Variants in SERINC5 observed in about 807,000 individuals in gnomAD.
SERINC5 encodes the protein chromosome 5 open reading frame 12.
A neutral mutation model predicts 63.1 loss-of-function variants in SERINC5; 41 were observed. The observed-to-expected ratio is 0.65, with a 90% CI of 0.51 to 0.84. The LOEUF (loss-of-function observed/expected upper bound fraction) is 0.84, where lower values mean the gene tolerates loss of function less well. Among genes scored for constraint, SERINC5 ranks in the 40% least tolerant of loss-of-function variants. The pLI is 0.00. For synonymous variants in SERINC5, 222 were observed against 215.2 expected (o/e 1.03, Z -0.28); for missense variants, 523 against 573.0 (o/e 0.91, Z 0.89).
intron 1 of SERINC5, among the ~76,000 whole-genome samples, chr5:80,253,011 G>A (rs1334634645): frequency 2.0e-5 from 3 of 152,128 alleles, no homozygotes; most frequent in South Asian, 2.1e-4. Context: ...CTAATGTAAC[G>A]AAGCCAAGAA....
intron 2 of SERINC5, among the ~76,000 whole-genome samples, chr5:80,187,626 A>G (rs910219070): frequency 2.0e-5 from 3 of 152,226 alleles, no homozygotes; most frequent in African/African-American, 7.2e-5. Flanking sequence ...TTAATAAACA[A>G]TAACAACAAC....
At chr5:80,152,444 T>A (rs1746250411) in intron 8 of SERINC5, among the ~76,000 whole-genome samples, 1 of 148,268 alleles carries the variant, frequency 6.7e-6, no homozygotes, top group Non-Finnish European at 1.5e-5. Flanking sequence ...GTAGTGAGCA[T>A]GATCACACCA....
At chr5:80,179,287 A>G (rs1748267353) in intron 2 of SERINC5, among the ~76,000 whole-genome samples, 1 of 152,186 alleles carries the variant, frequency 6.6e-6, no homozygotes, top group Non-Finnish European at 1.5e-5. Context: ...CAACAGAGTG[A>G]GACTCTGTCC....
At chr5:80,231,909 T>C (rs1161026915) in intron 1 of SERINC5, among the ~76,000 whole-genome samples, 1 of 151,660 alleles carries the variant, frequency 6.6e-6, no homozygotes, top group African/African-American at 2.4e-5. Flanking sequence ...GAGACCAGCC[T>C]GGGCAACATA....
chr5:80,173,582 C>G (rs1292219718), intron 5 of SERINC5, among the ~76,000 whole-genome samples: 2 of 151,778 alleles, frequency 1.3e-5, no homozygotes, highest in African/African-American at 2.4e-5. Context: ...GGCGACAGAA[C>G]GAGACTCTGT....
chr5:80,199,648 C>G (rs987287411), intron 2 of SERINC5, among the ~76,000 whole-genome samples: 1 of 152,200 alleles, frequency 6.6e-6, no homozygotes. Flanking sequence ...TCCTAAAACA[C>G]ATACCAATGG....
intron 5 of SERINC5, among the ~76,000 whole-genome samples, 191 bp downstream of exon 5, chr5:80,174,763 A>G (rs574648242): frequency 1.3e-5 from 2 of 152,284 alleles, no homozygotes; most frequent in South Asian, 2.1e-4. Flanking sequence ...TCAGAGCCCA[A>G]GCAAGGGAGT....
chr5:80,174,314 C>T (rs1747870450), intron 5 of SERINC5, among the ~76,000 whole-genome samples: 1 of 150,304 alleles, frequency 6.7e-6, no homozygotes, highest in South Asian at 2.1e-4. Context: ...CTGCAGTGAG[C>T]CATGATCACA....
chr5:80,254,319 C>G (rs1049298098), intron 1 of SERINC5, among the ~76,000 whole-genome samples: 1 of 152,230 alleles, frequency 6.6e-6, no homozygotes, highest in Admixed American at 6.5e-5. Context: ...AGTGATGCCT[C>G]CAGCAGGCCT....
intron 1 of SERINC5, among the ~76,000 whole-genome samples, chr5:80,235,455 AATT>A (rs1270675549): frequency 6.6e-6 from 1 of 152,258 alleles, no homozygotes; most frequent in African/African-American, 2.4e-5. Flanking sequence ...GAACATATTT[AATT>A]ATGATTCAGA....
At chr5:80,227,603 A>G (rs1429329973) in intron 1 of SERINC5, among the ~76,000 whole-genome samples, 2 of 124,050 alleles carry the variant, frequency 1.6e-5, no homozygotes, top group Non-Finnish European at 3.4e-5. Flanking sequence ...TCTACTAAAA[A>G]TACAAAAAAA....
At position 80,188,292 on chromosome 5, in the gene SERINC5, A is replaced by C. The variant is rs2112450982; in HGVS notation, c.196-10228T>G. 2.0e-5 allele frequency among the ~76,000 whole-genome samples: 3 copies of C among 152,108 alleles called. 1 individual carries two copies. In the South Asian group the frequency reaches 6.2e-4, roughly 32 times the overall value. ...AGCAAGACTCCGTCTCAAAAAAAAA[A>C]AAAAAAAAAAAAATCTAACTGCAAA... On this transcript the variant is annotated intron_variant, in intron 2 of 11. Coordinates refer to ENST00000507668, the MANE Select transcript of SERINC5 (RefSeq NM_001174072.3).
intron 1 of SERINC5, among the ~76,000 whole-genome samples, chr5:80,237,587 G>T (rs768521676): frequency 6.6e-6 from 1 of 151,804 alleles, no homozygotes; most frequent in South Asian, 2.1e-4. Context: ...CGCCCACCTC[G>T]GCCTCCCAAA....
intron 1 of SERINC5, among the ~76,000 whole-genome samples, chr5:80,241,267 G>A (rs917753825): frequency 2.0e-5 from 3 of 151,710 alleles, no homozygotes; most frequent in South Asian, 2.1e-4. Context: ...TCAGGAGATC[G>A]AGACCATCCT....
chr5:80,143,807 G>A lies in SERINC5; in HGVS notation c.1242C>T (p.Tyr414=), dbSNP rs12652646. Residue 414 remains tyrosine (Y), a synonymous_variant, in exon 12 of 12, where the codon TAC becomes TAT. Coordinates refer to ENST00000507668, the MANE Select transcript of SERINC5 (RefSeq NM_001174072.3). ...AGAAGCTCTCGATGTTGGCACTTTC[G>A]TAGCTGTGGAAACAAGACACCTAGC... ...VMMTVTNWFN[Y]ESANIESFFS... 170,370 of 1,535,842 alleles carry A rather than the reference G, an allele frequency of 0.11. 10,603 individuals carry two copies. Among genetic ancestry groups the A allele is most frequent in the East Asian group, 0.27 (11,194 of 40,906 alleles).
intron 1 of SERINC5, among the ~76,000 whole-genome samples, chr5:80,207,106 C>T (rs949046143): frequency 6.6e-6 from 1 of 152,124 alleles, no homozygotes; most frequent in African/African-American, 2.4e-5. Flanking sequence ...TCACACCATT[C>T]TCCTGCCTCA....
chr5:80,244,460 C>T (rs2112599249), intron 1 of SERINC5, among the ~76,000 whole-genome samples: 1 of 152,122 alleles, frequency 6.6e-6, no homozygotes, highest in Non-Finnish European at 1.5e-5. Flanking sequence ...AAGTGATACG[C>T]TGCCTCAGCC....
At chr5:80,190,163 G>A (rs1749095443) in intron 2 of SERINC5, among the ~76,000 whole-genome samples, 1 of 142,982 alleles carries the variant, frequency 7.0e-6, no homozygotes, top group African/African-American at 2.7e-5. Context: ...CCAGGCTAGA[G>A]TGCAATGGCA....
intron 10 of SERINC5, among the ~76,000 whole-genome samples, chr5:80,146,974 G>A (rs2112306417): frequency 6.6e-6 from 1 of 152,148 alleles, no homozygotes; most frequent in Non-Finnish European, 1.5e-5. Flanking sequence ...TTTAAAAAAT[G>A]TGCTCTCTGA....
Sources: allele counts gnomAD v4.1 joint callset (sites outside exome capture counted in the v4.1 genomes callset), GRCh38; gene constraint gnomAD v4.1.1; transcripts MANE v1.5; gene names NCBI Gene and HGNC (gene_info 2026-07-23, HGNC 2026-07-21).